The following LRP1 variants were observed in gnomAD, a reference collection of about 807,000 sequenced individuals.
LRP1 encodes prolow-density lipoprotein receptor-related protein 1.
LRP1 carries 51 observed loss-of-function variants against 541.5 expected under a neutral mutation model. The observed-to-expected ratio is 0.09, with a 90% confidence interval of 0.08 to 0.12. LRP1 has a LOEUF of 0.12. LRP1 is among the 10% of genes least tolerant of loss of function. LRP1 has a pLI of 1.00. For missense variants in LRP1, 3,878 were observed against 6,376.2 expected, an observed-to-expected ratio of 0.61 and a Z score of 13.34; for synonymous variants, 2,219 against 2,470.8, an observed-to-expected ratio of 0.90 and a Z score of 3.02.
In LRP1 at chr12:57,205,987, G is replaced by A. The variant is rs2036770034; in HGVS notation, c.11590+310G>A. ...ACTCACAGTCATGGGGGCCTCACCTGCACATTCCCCACATGCTTTGATGCC... is the reference window on the plus strand; with the variant it reads ...ACTCACAGTCATGGGGGCCTCACCTACACATTCCCCACATGCTTTGATGCC... On this transcript the variant is annotated intron_variant, in intron 75 of 88. Coordinates refer to ENST00000243077, the MANE Select transcript of LRP1 (RefSeq NM_002332.3). This position sits in a 1 kb window ranked among gnomAD's most constrained non-coding sequence, Gnocchi z 4.6. Among the ~76,000 whole-genome samples the A allele has an allele frequency of 6.6e-6, 1 of 152,164 alleles. No homozygotes were observed. The highest frequency in any genetic ancestry group is 2.4e-5 in the African/African-American group (1 of 41,434).
chr12:57,194,650 G>A lies in LRP1; in HGVS notation c.8142G>A (p.Thr2714=), dbSNP rs1800141. Residue 2714 remains threonine, a synonymous_variant, in exon 50 of 89, where the codon ACG becomes ACA. Transcript: ENST00000243077. ...GGCGCTGCATCCCCATGAGCTGGAC[G>A]TGTGACAAAGAGGATGACTGTGAAC... The part of the protein sequence containing the change: ...PSGRCIPMSW[T]CDKEDDCEHG... 62,002 of 1,601,832 alleles carry A rather than the reference G, an allele frequency of 0.039. 2,164 individuals are homozygous for A. Among genetic ancestry groups the A allele is most frequent in the East Asian group, 0.2 (8,923 of 44,782 alleles).
Position 57,154,158 on chromosome 12 carries a change from C to A in LRP1, c.842-50C>A. 1 of 1,570,122 alleles carries A rather than the reference C, an allele frequency of 6.4e-7. No homozygotes were observed. The highest frequency in any genetic ancestry group is 1.2e-5 in the South Asian group (1 of 85,826). Reference sequence around the variant, plus strand: ...TCTCACCAGCAAAGGGTGGGCATCTCTGCAAGAGGGCCTACCCCACCCCAT... The same window carrying A: ...TCTCACCAGCAAAGGGTGGGCATCTATGCAAGAGGGCCTACCCCACCCCAT... On this transcript the variant is annotated intron_variant, in intron 6 of 88. Coordinates refer to ENST00000243077, the MANE Select transcript of LRP1 (RefSeq NM_002332.3). The surrounding 1 kb of genome is among the most constrained non-coding windows in gnomAD (Gnocchi z 4.6).
In LRP1 at chr12:57,156,053, C is replaced by G. The variant is rs372006592; in HGVS notation, c.1228-41C>G. ...GATCTCCAGGACAGAGGGAGGAACC[C>G]CTGTCATCTCATGCTGTCCATTCTT... is the stretch of plus-strand genomic sequence containing the variant. On this transcript the variant is annotated intron_variant, in intron 8 of 88. Transcript: ENST00000243077. The surrounding 1 kb of genome is among the most constrained non-coding windows in gnomAD (Gnocchi z 5.2). 26 of 1,553,152 alleles carry G rather than the reference C, an allele frequency of 1.7e-5. No homozygotes were observed. In the East Asian group the frequency reaches 1.8e-4, roughly 11 times the overall value.
Position 57,204,800 on chromosome 12 carries a change from G to T in LRP1, c.11194+51G>T, listed in dbSNP as rs1013362083. 2 of 1,604,568 alleles carry T rather than the reference G, an allele frequency of 1.2e-6. No homozygotes were observed. The highest frequency in any genetic ancestry group is 1.7e-5 in the Admixed American group (1 of 59,882). On this transcript the variant is annotated intron_variant, in intron 72 of 88. Transcript: ENST00000243077. This position sits in a 1 kb window ranked among gnomAD's most constrained non-coding sequence, Gnocchi z 5.3. The stretch of plus-strand genomic sequence containing the variant: ...TGCAGGGGACGGGTAGTGCACAGTG[G>T]GGTGAGTCTGGTCCTCGTGGGAGCT...
rs878912237 is a variant in LRP1 at position 57,206,413 on chromosome 12, A to C, written c.11591-60A>C. ...GACAGTGTTCATGTGAAAGGAGCTG[A>C]GCTGGGTGGGGTGCACACCTGCATC... On this transcript the variant is annotated intron_variant, in intron 75 of 88. Transcript: ENST00000243077. This position sits in a 1 kb window ranked among gnomAD's most constrained non-coding sequence, Gnocchi z 4.7. 6.4e-7 allele frequency: 1 copy of C among 1,556,258 alleles called. No individual in the cohort carries two copies. The highest frequency in any genetic ancestry group is 8.8e-7 in the Non-Finnish European group (1 of 1,135,598).
At position 57,194,562 on chromosome 12, in the gene LRP1, T is replaced by G. The variant is rs201449241; in HGVS notation, c.8069-15T>G. 1.0e-4 allele frequency: 162 copies of G among 1,612,524 alleles called. 1 individual carries two copies. Among genetic ancestry groups the G allele is most frequent in the Non-Finnish European group, 9.0e-5 (106 of 1,179,848 alleles). Reference sequence around the variant, plus strand: ...CTGCGGTGAGCAGGGCCCTCACACCTGCCTCGCCCCCCAGGTGTGAAACGC... The same window carrying G: ...CTGCGGTGAGCAGGGCCCTCACACCGGCCTCGCCCCCCAGGTGTGAAACGC... On this transcript the variant is annotated splice_polypyrimidine_tract_variant and intron_variant, in intron 49 of 88. Coordinates refer to ENST00000243077, the MANE Select transcript of LRP1 (RefSeq NM_002332.3).
chr12:57,194,764 C>G, intron 50 of LRP1, 65 bp downstream of exon 50: 1 of 1,507,634 alleles, frequency 6.6e-7, no homozygotes, highest in Non-Finnish European at 8.9e-7. Context: ...TTAGTCCCCC[C>G]CAGCAAATGC....
rs879152465 is a variant in LRP1 at position 57,196,068 on chromosome 12, C to T, written c.8702-19C>T. ...ACTGCCTGAGACCCCGCTGACCTGC[C>T]GCCTCCGCCCCTCCGCAGAGCACAA... On this transcript the variant is annotated intron_variant, in intron 54 of 88. Coordinates refer to ENST00000243077, the MANE Select transcript of LRP1 (RefSeq NM_002332.3). The T allele has an allele frequency of 1.1e-5, 18 of 1,609,488 alleles. No individual in the cohort carries two copies. The highest frequency in any genetic ancestry group is 2.7e-5 in the African/African-American group (2 of 74,888).
Position 57,154,101 on chromosome 12 carries a change from C to A in LRP1, c.842-107C>A. ...AGCATGGGGGTGTTGGGTGGGAGGG[C>A]GTCCAGAGAAGGTGGGCTTCCAGGT... On this transcript the variant is annotated intron_variant, in intron 6 of 88. Transcript: ENST00000243077. This position sits in a 1 kb window ranked among gnomAD's most constrained non-coding sequence, Gnocchi z 4.6. 1 of 1,004,540 alleles carries A rather than the reference C, an allele frequency of 1.0e-6. No homozygotes were observed. The highest frequency in any genetic ancestry group is 1.5e-6 in the Non-Finnish European group (1 of 653,536). 62.2% of individuals were successfully genotyped at this position (1,004,540 alleles called of 1,614,324 possible).
Position 57,138,599 on chromosome 12 carries a change from A to G in LRP1, c.190+18A>G. ...TGAGATTTGTAAGTACCTTTTCTGG[A>G]TTCTTCTCCCCAAACCCTTAACTTA... On this transcript the variant is annotated intron_variant, in intron 2 of 88. Coordinates refer to ENST00000243077, the MANE Select transcript of LRP1 (RefSeq NM_002332.3). The G allele has an allele frequency of 6.2e-7, 1 of 1,613,426 alleles. No homozygotes were observed. The highest frequency in any genetic ancestry group is 1.7e-4 in the Middle Eastern group (1 of 6,052).
chr12:57,139,264 G>A (rs1048181244), intron 2 of LRP1, among the ~76,000 whole-genome samples: 8 of 151,994 alleles, frequency 5.3e-5, no homozygotes, highest in East Asian at 3.9e-4. Flanking sequence ...TCCTAGGTCC[G>A]TCTCTGTTCT....
chr12:57,153,649 C>T (rs1310630738), intron 6 of LRP1, among the ~76,000 whole-genome samples: 1 of 152,176 alleles, frequency 6.6e-6, no homozygotes, highest in Non-Finnish European at 1.5e-5. Flanking sequence ...TGGTGCCCAA[C>T]CTTTTGCCCC....
chr12:57,201,610 G>T lies in LRP1; in HGVS notation c.10459G>T (p.Ala3487Ser), dbSNP rs758644665. ...CTGTGTGGATGGCAGTGATGAGCCC[G>T]CCAACTGCAGTGAGTTGCCTGGCCT... Reference protein sequence around the residue: ...NDCVDGSDEPANCTQMTCGVD... With the variant: ...NDCVDGSDEPSNCTQMTCGVD... The change falls in exon 66 of 89, where the codon GCC (alanine) becomes TCC (serine). Residue 3487 changes from alanine to serine, a missense_variant. This residue lies in a region of LRP1 where 278 missense variants were observed against 536.3 expected (regional missense o/e 0.52). Coordinates refer to ENST00000243077, the MANE Select transcript of LRP1 (RefSeq NM_002332.3). This position sits in a 1 kb window ranked among gnomAD's most constrained non-coding sequence, Gnocchi z 6.4. 5 of 1,612,584 alleles carry T rather than the reference G, an allele frequency of 3.1e-6. No homozygotes were observed. The highest frequency in any genetic ancestry group is 4.2e-6 in the Non-Finnish European group (5 of 1,178,978).
At chr12:57,148,928 C>T in intron 6 of LRP1, 1 of 566,662 alleles carries the variant, frequency 1.8e-6, no homozygotes, top group Non-Finnish European at 3.2e-6. Context: ...GTCCAGCTGG[C>T]CAACTTCACT....
chr12:57,210,747 T>C lies in LRP1; in HGVS notation c.12784T>C (p.Phe4262Leu), dbSNP rs759744173. ...GMPTCRCPTG[F>L]TGPKCTQQVC... Reference sequence around the variant, plus strand: ...GCCCACGTGCCGGTGCCCCACGGGCTTCACGGGCCCCAAATGCACCCAGCA... The same window carrying C: ...GCCCACGTGCCGGTGCCCCACGGGCCTCACGGGCCCCAAATGCACCCAGCA... The change falls in exon 83 of 89, where the codon TTC becomes CTC. Residue 4262 changes from phenylalanine to leucine, a missense_variant. By Grantham distance (22) the Phe-to-Leu change is conservative. Around this residue, in one of 13 missense-constraint regions of LRP1, gnomAD observed 871 missense variants for 1,212.4 expected, o/e 0.72. Coordinates refer to ENST00000243077, the MANE Select transcript of LRP1 (RefSeq NM_002332.3). The C allele has an allele frequency of 1.9e-6, 3 of 1,611,692 alleles. No homozygotes were observed. Among genetic ancestry groups the C allele is most frequent in the East Asian group, 2.2e-5 (1 of 44,804 alleles).
intron 13 of LRP1, among the ~76,000 whole-genome samples, chr12:57,161,348 T>A (rs1183213107): frequency 6.6e-6 from 1 of 152,206 alleles, no homozygotes; most frequent in Non-Finnish European, 1.5e-5. Context: ...CGTCTCTTTG[T>A]GTCTATTCGT....
At position 57,156,784 on chromosome 12, in the gene LRP1, C is replaced by T; in HGVS notation, c.1425C>T (p.Ser475=). The T allele has an allele frequency of 6.2e-7, 1 of 1,608,358 alleles. No individual in the cohort carries two copies. The highest frequency in any genetic ancestry group is 8.5e-7 in the Non-Finnish European group (1 of 1,176,716). Reference sequence around the variant, plus strand: ...TCTTCACCCTGCCCCCAGTGAGGAGCCATGCCTGTGAAAACGACCAGTATG... The same window carrying T: ...TCTTCACCCTGCCCCCAGTGAGGAGTCATGCCTGTGAAAACGACCAGTATG... ...YHQRRQPRVR[S]HACENDQYGK... is the part of the protein sequence containing the mutation. The change falls in exon 10 of 89, where the codon AGC becomes AGT. Residue 475 remains serine, a synonymous_variant. Coordinates refer to ENST00000243077, the MANE Select transcript of LRP1 (RefSeq NM_002332.3). The surrounding 1 kb of genome is among the most constrained non-coding windows in gnomAD (Gnocchi z 5.2).
At chr12:57,202,975 C>G (rs1163481736) in intron 68 of LRP1, 1 of 580,236 alleles carries the variant, frequency 1.7e-6, no homozygotes, top group African/African-American at 1.9e-5. Flanking sequence ...GGTGTCTGTC[C>G]CATGGGGTAA....
chr12:57,166,334 C>G, intron 17 of LRP1, 125 bp downstream of exon 17: 1 of 1,287,674 alleles, frequency 7.8e-7, no homozygotes, highest in Non-Finnish European at 1.0e-6. Flanking sequence ...GTGAGAGGAT[C>G]ACTTGAGCCC....
Sources: gnomAD v4.1 joint callset for allele counts (sites outside exome capture counted in the v4.1 genomes callset) on GRCh38, gnomAD v4.1.1 for gene constraint, gnomAD v4.1.1 regional missense constraint, Gnocchi (gnomAD v3.1) non-coding constraint, MANE v1.5 for transcripts, NCBI Gene and HGNC (gene_info 2026-07-23, HGNC 2026-07-21) for gene names.